ITK: variants seen among roughly 807,000 people sequenced by gnomAD.
The protein encoded by ITK is IL2 inducible T cell kinase, also known as tyrosine-protein kinase ITK/TSK.
A neutral mutation model predicts 87.6 loss-of-function variants in ITK; 45 were observed. That is an observed-to-expected ratio of 0.51 (90% CI 0.40 to 0.66). The LOEUF (loss-of-function observed/expected upper bound fraction) is 0.66. Among genes scored for constraint, ITK ranks in the 30% least tolerant of loss-of-function variants. The probability of loss-of-function intolerance (pLI) is 0.00; values close to 1 mark genes in which losing one functional copy is unlikely to be tolerated. For synonymous variants in ITK, 303 were observed against 273.6 expected, an observed-to-expected ratio of 1.11 and a Z score of -1.06; for missense variants, 605 against 766.3, an observed-to-expected ratio of 0.79 and a Z score of 2.48.
chr5:157,232,958 C>T (rs774717838), intron 8 of ITK, among the ~76,000 whole-genome samples: 2 of 152,198 alleles, frequency 1.3e-5, no homozygotes, highest in African/African-American at 2.4e-5. Flanking sequence ...AAACATAGCA[C>T]TTGTTTTAAC....
chr5:157,188,599 C>G (rs1160752465), intron 1 of ITK, among the ~76,000 whole-genome samples: 2 of 151,206 alleles, frequency 1.3e-5, no homozygotes, highest in Non-Finnish European at 2.9e-5. Flanking sequence ...CTCAAACACC[C>G]CAGATTTTTG....
chr5:157,198,241 G>A (rs1451733084), intron 1 of ITK, among the ~76,000 whole-genome samples: 1 of 152,112 alleles, frequency 6.6e-6, no homozygotes, highest in Non-Finnish European at 1.5e-5. Context: ...CATTTTAATA[G>A]ATGATCCTAA....
At chr5:157,215,854 T>C (rs1314531570) in intron 4 of ITK, among the ~76,000 whole-genome samples, 1 of 152,256 alleles carries the variant, frequency 6.6e-6, no homozygotes, top group East Asian at 1.9e-4. Flanking sequence ...ATTTTCACCA[T>C]GCATGCTGCA....
At position 157,232,595 on chromosome 5, in the gene ITK, AAGGGAGGGAGGG is replaced by A. The variant is rs35417315; in HGVS notation, c.768+211_768+222del. Reference sequence around the variant, plus strand: ...ACCCTGTCAAAAGAAGAAAGAGAGGAAGGGAGGGAGGGAGGGAGGGAAGAAAGGTAAAAATGA... The same window carrying A: ...ACCCTGTCAAAAGAAGAAAGAGAGGAAGGGAGGGAAGAAAGGTAAAAATGA... On this transcript the variant is annotated intron_variant, in intron 8 of 16. Transcript: ENST00000422843. Among the ~76,000 whole-genome samples, 33,902 of 144,998 alleles carry A rather than the reference AAGGGAGGGAGGG, an allele frequency of 0.23. 4,615 individuals carry two copies. Among genetic ancestry groups the A allele is most frequent in the South Asian group, 0.44 (1,960 of 4,492 alleles).
intron 1 of ITK, among the ~76,000 whole-genome samples, chr5:157,182,873 C>A (rs993481174): frequency 6.6e-6 from 1 of 152,146 alleles, no homozygotes; most frequent in South Asian, 2.1e-4. Flanking sequence ...TAAGTAATCA[C>A]AAAACCAGAT....
intron 16 of ITK, among the ~76,000 whole-genome samples, chr5:157,250,523 G>GT (rs35837721): frequency 0.023 from 3,284 of 144,110 alleles, 47 homozygotes; most frequent in Non-Finnish European, 0.031. Flanking sequence ...GTGGGGTTTT[G>GT]TTTTTTTTTT....
chr5:157,221,495 G>A (rs929993085), intron 5 of ITK, among the ~76,000 whole-genome samples: 2 of 152,036 alleles, frequency 1.3e-5, no homozygotes, highest in African/African-American at 2.4e-5. Context: ...TGGGGAATGT[G>A]GGACTCTACA....
Position 157,222,892 on chromosome 5 carries a change from G to A in ITK, c.525G>A (p.Val175=), listed in dbSNP as rs2113760967. 6.2e-7 allele frequency: 1 copy of A among 1,614,022 alleles called. No individual in the cohort carries two copies. The highest frequency in any genetic ancestry group is 8.5e-7 in the Non-Finnish European group (1 of 1,180,014). ...CACTTTGGGAACCTGAAGAAACTGTGGTCATTGCCTTATATGACTACCAAA... is the reference window on the plus strand; with the variant it reads ...CACTTTGGGAACCTGAAGAAACTGTAGTCATTGCCTTATATGACTACCAAA... ...RRPLWEPEET[V]VIALYDYQTN... Residue 175 remains valine, a synonymous_variant, in exon 6 of 17, where the codon GTG becomes GTA. Transcript: ENST00000422843.
At chr5:157,202,492 T>A (rs1248305847) in intron 1 of ITK, among the ~76,000 whole-genome samples, 4 of 152,204 alleles carry the variant, frequency 2.6e-5, no homozygotes, top group Non-Finnish European at 5.9e-5. Context: ...GGATTACAGA[T>A]GTGAGCCACC....
chr5:157,252,143 A>G (rs1755150756), intron 16 of ITK, among the ~76,000 whole-genome samples: 1 of 152,182 alleles, frequency 6.6e-6, no homozygotes, highest in Non-Finnish European at 1.5e-5. Flanking sequence ...CCATTTATTT[A>G]GATCTTCTTT....
intron 7 of ITK, among the ~76,000 whole-genome samples, chr5:157,231,375 CACT>C (rs548681092): frequency 6.6e-6 from 1 of 152,098 alleles, no homozygotes; most frequent in African/African-American, 2.4e-5. Context: ...TCTAGGCAGC[CACT>C]ACTATCGCTG....
At chr5:157,195,540 A>C (rs1344093259) in intron 1 of ITK, 1 of 152,232 alleles carries the variant, frequency 6.6e-6, no homozygotes, top group Non-Finnish European at 1.5e-5. Context: ...TTAAAAAAAC[A>C]GTTGCAAAAT....
chr5:157,183,443 G>A (rs1032294805), intron 1 of ITK, among the ~76,000 whole-genome samples: 2 of 152,208 alleles, frequency 1.3e-5, no homozygotes, highest in African/African-American at 2.4e-5. Context: ...TTATTTGGCA[G>A]ATCGAATATC....
intron 2 of ITK, 142 bp from the exon 3 acceptor site, chr5:157,211,145 G>A: frequency 1.4e-6 from 1 of 719,344 alleles, no homozygotes; most frequent in South Asian, 1.5e-5. Context: ...TGGATAAAAA[G>A]GATACTGGCC....
At chr5:157,185,107 T>G (rs553510146) in intron 1 of ITK, among the ~76,000 whole-genome samples, 3 of 152,144 alleles carry the variant, frequency 2.0e-5, no homozygotes, top group African/African-American at 7.2e-5. Context: ...TTTCCTTGCT[T>G]TTGAAAGCAT....
rs17054401 is a variant in ITK, at chr5:157,255,124, C to G, written c.*2446C>G. On this transcript the variant is annotated 3_prime_UTR_variant, in exon 17 of 17. Transcript: ENST00000422843. ...TACCTGTTATCCTTTGTAGAGCACA[C>G]AGAGTTAAAAGTTGAATATAGCAAT... 4,612 of 188,890 alleles carry G rather than the reference C, an allele frequency of 0.024. 215 individuals carry two copies. The highest frequency in any genetic ancestry group is 0.1 in the African/African-American group (4,277 of 42,922). The allele number at this position is 188,890 out of a possible 1,614,324, so 11.7% of individuals were successfully genotyped here.
At position 157,252,840 on chromosome 5, in the gene ITK, A is replaced by G. The variant is rs1412820163; in HGVS notation, c.*162A>G. 2 of 676,744 alleles carry G rather than the reference A, an allele frequency of 3.0e-6. No homozygotes were observed. The highest frequency in any genetic ancestry group is 1.5e-5 in the South Asian group (1 of 66,484). 41.9% of individuals were successfully genotyped at this position (676,744 alleles called of 1,614,324 possible). On this transcript the variant is annotated 3_prime_UTR_variant, in exon 17 of 17. Coordinates refer to ENST00000422843, the MANE Select transcript of ITK (RefSeq NM_005546.4). ...TCACCATGGAAGCAGCATCCTGACC[A>G]CAGCTGGCAGTCAAGCCACAGCTGG...
chr5:157,188,574 A>G (rs1037945582), intron 1 of ITK, among the ~76,000 whole-genome samples: 1 of 152,158 alleles, frequency 6.6e-6, no homozygotes, highest in African/African-American at 2.4e-5. Flanking sequence ...TCTTTGCATT[A>G]GCTGTTTCCA....
chr5:157,219,200 C>T (rs1173200859), intron 5 of ITK, among the ~76,000 whole-genome samples: 2 of 151,418 alleles, frequency 1.3e-5, no homozygotes, highest in Non-Finnish European at 2.9e-5. Context: ...GCAACCTCCG[C>T]CTCCCAGGTT....
Sources: allele counts gnomAD v4.1 joint callset (sites outside exome capture counted in the v4.1 genomes callset), GRCh38; gene constraint gnomAD v4.1.1; transcripts MANE v1.5; gene names NCBI Gene and HGNC (gene_info 2026-07-23, HGNC 2026-07-21).